Variants in ENTPD1 observed in about 807,000 individuals in gnomAD.
ENTPD1 encodes the protein ATP diphosphohydrolase.
A neutral mutation model predicts 57.0 loss-of-function variants in ENTPD1; 33 were observed. The observed-to-expected ratio is 0.58, with a 90% CI of 0.44 to 0.77. ENTPD1 has a LOEUF of 0.77. Among genes scored for constraint, ENTPD1 ranks in the 30% least tolerant of loss-of-function variants. The probability of loss-of-function intolerance (pLI) is 0.00; values close to 1 mark genes in which losing one functional copy is unlikely to be tolerated. For missense variants in ENTPD1, 501 were observed against 603.4 expected (o/e 0.83, Z 1.78); for synonymous variants, 202 against 218.8 (o/e 0.92, Z 0.68).
At chr10:95,857,005 G>A (rs75706183) in intron 7 of ENTPD1, among the ~76,000 whole-genome samples, 2,008 of 151,826 alleles carry the variant, frequency 0.013, 15 homozygotes, top group Non-Finnish European at 0.021. Flanking sequence ...TATAATAAAC[G>A]TGTTTTTTTT....
At chr10:95,734,399 A>C (rs992916872) in intron 1 of ENTPD1, among the ~76,000 whole-genome samples, 1 of 152,232 alleles carries the variant, frequency 6.6e-6, no homozygotes, top group Non-Finnish European at 1.5e-5. Context: ...TGCTCCATGC[A>C]TAAAAAACAG....
chr10:95,820,890 A>C (rs534369373), intron 1 of ENTPD1, among the ~76,000 whole-genome samples: 1 of 152,344 alleles, frequency 6.6e-6, no homozygotes, highest in Middle Eastern at 3.4e-3. Context: ...TTGGATGCTA[A>C]GAATAGTGCC....
chr10:95,765,248 A>G (rs910479291), intron 1 of ENTPD1, among the ~76,000 whole-genome samples: 1 of 152,190 alleles, frequency 6.6e-6, no homozygotes, highest in Non-Finnish European at 1.5e-5. Flanking sequence ...TGTCCTATCT[A>G]AGAAACTATT....
intron 1 of ENTPD1, among the ~76,000 whole-genome samples, chr10:95,798,870 TC>T (rs1280751700): frequency 6.6e-6 from 1 of 152,172 alleles, no homozygotes; most frequent in African/African-American, 2.4e-5. Context: ...GCATTGGCCT[TC>T]CTTCTGTGGC....
intron 1 of ENTPD1, among the ~76,000 whole-genome samples, chr10:95,822,114 C>T (rs7082531): frequency 0.5 from 75,294 of 150,260 alleles, 19,309 homozygotes; most frequent in Admixed American, 0.6. Context: ...ATTCTCCTGC[C>T]TCAGCCTCCT....
At chr10:95,824,157 C>T (rs2098364830) in intron 2 of ENTPD1, among the ~76,000 whole-genome samples, 1 of 152,086 alleles carries the variant, frequency 6.6e-6, no homozygotes, top group Admixed American at 6.5e-5. Flanking sequence ...ACTATAAATA[C>T]ACCATTTTAA....
chr10:95,771,594 C>G (rs2098116097), intron 1 of ENTPD1, among the ~76,000 whole-genome samples: 1 of 152,126 alleles, frequency 6.6e-6, no homozygotes, highest in African/African-American at 2.4e-5. Context: ...TTAGTGATGT[C>G]CCGTATGACT....
intron 1 of ENTPD1, among the ~76,000 whole-genome samples, chr10:95,747,295 C>G (rs527739011): frequency 1.1e-4 from 17 of 152,238 alleles, no homozygotes; most frequent in African/African-American, 2.9e-4. Context: ...TTATGAAGAA[C>G]CTCTTCGTAT....
chr10:95,775,349 A>T (rs1203034903), intron 1 of ENTPD1, among the ~76,000 whole-genome samples: 1 of 152,178 alleles, frequency 6.6e-6, no homozygotes, highest in East Asian at 1.9e-4. Context: ...CCCTGGCCAG[A>T]ACTTCCAACA....
intron 1 of ENTPD1, among the ~76,000 whole-genome samples, chr10:95,789,549 T>C (rs561641655): frequency 6.6e-6 from 1 of 152,152 alleles, no homozygotes; most frequent in South Asian, 2.1e-4. Flanking sequence ...ATTATATGGG[T>C]CCACTTTGCA....
At chr10:95,744,016 A>ATATATG (rs1368216877) in intron 1 of ENTPD1, among the ~76,000 whole-genome samples, 1 of 142,562 alleles carries the variant, frequency 7.0e-6, no homozygotes, top group Admixed American at 7.0e-5. Context: ...ATATATATAT[A>ATATATG]TATATATATA....
chr10:95,699,520 A>T, the ENTPD1 span, among the ~76,000 whole-genome samples: 1 of 151,968 alleles, frequency 6.6e-6, no homozygotes, highest in South Asian at 2.1e-4. Flanking sequence ...AGGTGGGAGG[A>T]TCACTTGAGC....
At chr10:95,755,650 C>G (rs138691825), upstream of ENTPD1, 14,161 of 1,527,850 alleles carry the variant, frequency 9.3e-3, 95 homozygotes, top group Non-Finnish European at 0.012. Context: ...TCGCTTGGGT[C>G]ACCTGTTGCT....
chr10:95,868,433 T>C lies in ENTPD1; in HGVS notation c.*2050T>C, dbSNP rs1182302282. 5 of 985,340 alleles carry C rather than the reference T, an allele frequency of 5.1e-6. No homozygotes were observed. Among genetic ancestry groups the C allele is most frequent in the Non-Finnish European group, 6.0e-6 (5 of 829,956 alleles). 61.0% of individuals were successfully genotyped at this position (985,340 alleles called of 1,614,324 possible). A position where few individuals can be genotyped will look rare whatever the true frequency, so the allele number is the denominator to read the frequency against. On this transcript the variant is annotated 3_prime_UTR_variant, in exon 10 of 10. Coordinates refer to ENST00000371205, the MANE Select transcript of ENTPD1 (RefSeq NM_001776.6). Reference sequence around the variant, plus strand: ...ACATCTGGCATATGATGCTAATCAGTGGTTCCCATACCCCTGGCTTCCTAA... The same window carrying C: ...ACATCTGGCATATGATGCTAATCAGCGGTTCCCATACCCCTGGCTTCCTAA...
chr10:95,737,652 G>A (rs773244968), intron 1 of ENTPD1, among the ~76,000 whole-genome samples: 7 of 152,078 alleles, frequency 4.6e-5, no homozygotes, highest in Non-Finnish European at 8.8e-5. Context: ...CTCCCAAAGT[G>A]CTGCCATTAC....
intron 1 of ENTPD1, among the ~76,000 whole-genome samples, chr10:95,727,973 C>T (rs2097985441): frequency 6.6e-6 from 1 of 152,044 alleles, no homozygotes; most frequent in African/African-American, 2.4e-5. Context: ...ATTATCCTTC[C>T]CATCCAAAAT....
intron 1 of ENTPD1, among the ~76,000 whole-genome samples, chr10:95,803,983 T>C (rs989028350): frequency 6.6e-6 from 1 of 152,252 alleles, no homozygotes; most frequent in African/African-American, 2.4e-5. Flanking sequence ...TTCTTGTTTT[T>C]GTCAGGTTTG....
intron 6 of ENTPD1, 22 bp downstream of exon 6, chr10:95,845,618 C>G (rs1289419811): frequency 1.9e-6 from 3 of 1,614,124 alleles, no homozygotes; most frequent in Non-Finnish European, 2.5e-6. Context: ...TCAATCCAGA[C>G]CTGCCCCCTT....
At chr10:95,781,860 C>T (rs2098159392) in intron 1 of ENTPD1, among the ~76,000 whole-genome samples, 1 of 152,150 alleles carries the variant, frequency 6.6e-6, no homozygotes, top group African/African-American at 2.4e-5. Flanking sequence ...GGTGCTCTCC[C>T]ACTAAAGCAA....
Sources: gnomAD v4.1 joint callset for allele counts (sites outside exome capture counted in the v4.1 genomes callset) on GRCh38, gnomAD v4.1.1 for gene constraint, MANE v1.5 for transcripts, NCBI Gene and HGNC (gene_info 2026-07-23, HGNC 2026-07-21) for gene names.